Variants in FSTL5 observed in about 807,000 individuals in gnomAD.
FSTL5 encodes follistatin like 5.
In FSTL5, 62 loss-of-function variants were observed where a neutral mutation model predicts 89.1. The ratio of observed to expected loss-of-function variants is 0.70; its 90% confidence interval spans 0.57 to 0.86. The LOEUF is 0.86. Ranked by LOEUF, FSTL5 falls within the 40% of genes least tolerant of loss-of-function variation. The pLI is 0.00. For synonymous variants in FSTL5, 383 were observed against 346.2 expected (o/e 1.11, Z -1.18); for missense variants, 1,057 against 1,001.6 (o/e 1.06, Z -0.75).
At chr4:161,912,740 C>A (rs1733731316) in intron 4 of FSTL5, among the ~76,000 whole-genome samples, 1 of 152,056 alleles carries the variant, frequency 6.6e-6, no homozygotes, top group African/African-American at 2.4e-5. Flanking sequence ...GGGTAAGAGG[C>A]AGAGGTTGGA....
chr4:161,633,960 T>C (rs373205666), intron 7 of FSTL5, among the ~76,000 whole-genome samples: 1 of 152,220 alleles, frequency 6.6e-6, no homozygotes, highest in Admixed American at 6.5e-5. Context: ...TACAGGGCAA[T>C]GTAACAATTA....
intron 1 of FSTL5, among the ~76,000 whole-genome samples, chr4:162,157,887 A>C (rs1248823878): frequency 1.3e-5 from 2 of 152,056 alleles, no homozygotes; most frequent in Admixed American, 1.3e-4. Flanking sequence ...CTATATGAAA[A>C]CAAAGAGCAA....
At chr4:161,682,512 T>C (rs1283625337) in intron 6 of FSTL5, among the ~76,000 whole-genome samples, 1 of 152,202 alleles carries the variant, frequency 6.6e-6, no homozygotes, top group East Asian at 1.9e-4. Context: ...TGTTTTATTA[T>C]CATTTTTAAA....
At chr4:162,094,109 C>T (rs955487374) in intron 2 of FSTL5, among the ~76,000 whole-genome samples, 2 of 152,188 alleles carry the variant, frequency 1.3e-5, no homozygotes, top group African/African-American at 2.4e-5. Context: ...CTGCTAAAGG[C>T]TGGGCATGGT....
At chr4:161,613,530 C>T (rs978549614) in intron 7 of FSTL5, among the ~76,000 whole-genome samples, 2 of 151,538 alleles carry the variant, frequency 1.3e-5, no homozygotes, top group Non-Finnish European at 2.9e-5. Flanking sequence ...TAGAGAAAGG[C>T]AGGAAGAGGG....
chr4:161,948,071 G>A (rs1309898028), intron 3 of FSTL5, among the ~76,000 whole-genome samples: 3 of 151,810 alleles, frequency 2.0e-5, no homozygotes, highest in South Asian at 2.1e-4. Context: ...GAGTCCAGGA[G>A]TTCAAGGCCA....
chr4:161,544,359 T>G (rs761035675), intron 8 of FSTL5, among the ~76,000 whole-genome samples: 5 of 152,016 alleles, frequency 3.3e-5, no homozygotes, highest in Non-Finnish European at 7.4e-5. Flanking sequence ...TTCTACAACA[T>G]GAATATTGGA....
At position 161,422,985 on chromosome 4, in the gene FSTL5, C is replaced by A. The variant is rs148053392; in HGVS notation, c.1841+32019G>T. ...CAAGGAAGAAATAATTTTTATGCTT[C>A]TTTTAGCTTGCTATAAATTCAGAAA... is the stretch of plus-strand genomic sequence containing the variant. On this transcript the variant is annotated intron_variant, in intron 15 of 15. Coordinates refer to ENST00000306100, the MANE Select transcript of FSTL5 (RefSeq NM_020116.5). Among the ~76,000 whole-genome samples, 730 of 152,248 alleles carry A rather than the reference C, an allele frequency of 4.8e-3. 4 individuals carry two copies. Among genetic ancestry groups the A allele is most frequent in the African/African-American group, 0.017 (693 of 41,548 alleles).
At chr4:161,921,202 G>A (rs1733985525) in intron 3 of FSTL5, among the ~76,000 whole-genome samples, 2 of 152,118 alleles carry the variant, frequency 1.3e-5, no homozygotes, top group Non-Finnish European at 2.9e-5. Flanking sequence ...AAGAAGACAG[G>A]AGTGGAAAAT....
At chr4:161,570,340 T>G (rs1267908445) in intron 8 of FSTL5, among the ~76,000 whole-genome samples, 1 of 152,174 alleles carries the variant, frequency 6.6e-6, no homozygotes, top group Admixed American at 6.5e-5. Flanking sequence ...AAGAATCTTC[T>G]GGGCAGGGGA....
chr4:162,075,998 A>C (rs1438078103), intron 2 of FSTL5, among the ~76,000 whole-genome samples: 1 of 151,878 alleles, frequency 6.6e-6, no homozygotes, highest in Non-Finnish European at 1.5e-5. Flanking sequence ...GAGTATTCCC[A>C]ATAAGACATC....
intron 15 of FSTL5, among the ~76,000 whole-genome samples, chr4:161,432,945 T>C (rs1375608522): frequency 1.3e-5 from 2 of 151,922 alleles, no homozygotes; most frequent in Non-Finnish European, 2.9e-5. Context: ...TAAATAGTCT[T>C]TGAGCAAAGA....
At chr4:161,566,325 T>C (rs901665979) in intron 8 of FSTL5, among the ~76,000 whole-genome samples, 2 of 151,834 alleles carry the variant, frequency 1.3e-5, no homozygotes, top group African/African-American at 2.4e-5. Flanking sequence ...CTATGGTGTA[T>C]ATGTACCGCA....
At chr4:161,585,313 C>T (rs1733570819) in intron 8 of FSTL5, among the ~76,000 whole-genome samples, 1 of 152,162 alleles carries the variant, frequency 6.6e-6, no homozygotes, top group Non-Finnish European at 1.5e-5. Context: ...GAATAGTTGT[C>T]ACACTTTACC....
At chr4:161,523,012 G>A (rs1340847109) in intron 10 of FSTL5, among the ~76,000 whole-genome samples, 1 of 151,954 alleles carries the variant, frequency 6.6e-6, no homozygotes, top group Non-Finnish European at 1.5e-5. Context: ...ATAACTAGAA[G>A]AAACATTTAT....
At chr4:162,043,823 T>A (rs1250171967) in intron 2 of FSTL5, among the ~76,000 whole-genome samples, 1 of 152,316 alleles carries the variant, frequency 6.6e-6, no homozygotes, top group East Asian at 1.9e-4. Flanking sequence ...AAGAAACCAC[T>A]TTCTTTGCTC....
intron 3 of FSTL5, among the ~76,000 whole-genome samples, chr4:162,019,597 T>C (rs907260049): frequency 6.6e-6 from 1 of 151,998 alleles, no homozygotes; most frequent in Non-Finnish European, 1.5e-5. Flanking sequence ...TGGCATTTTG[T>C]ACCTAAACAC....
chr4:161,997,796 G>A (rs981549315), intron 3 of FSTL5, among the ~76,000 whole-genome samples: 7 of 51,506 alleles, frequency 1.4e-4, no homozygotes, highest in Admixed American at 6.2e-4. Context: ...AGTAGAGACG[G>A]GGCTTCACTG....
intron 15 of FSTL5, among the ~76,000 whole-genome samples, chr4:161,413,269 AAAAAAAAAAAAAAAT>A (rs1276367576): frequency 9.4e-5 from 13 of 138,376 alleles, no homozygotes; most frequent in Non-Finnish European, 1.6e-4. Context: ...AAAAAAAAAA[AAAAAAAAAAAAAAAT>A]AAAGACACAC....
Sources: gnomAD v4.1 joint callset for allele counts (sites outside exome capture counted in the v4.1 genomes callset) on GRCh38, gnomAD v4.1.1 for gene constraint, MANE v1.5 for transcripts, NCBI Gene and HGNC (gene_info 2026-07-23, HGNC 2026-07-21) for gene names.